PRKN: variants seen among roughly 807,000 people sequenced by gnomAD.
PRKN encodes parkin RBR E3 ubiquitin protein ligase, also known as E3 ubiquitin-protein ligase parkin.
A neutral mutation model predicts 59.5 loss-of-function variants in PRKN; 56 were observed. The observed-to-expected ratio is 0.94, with a 90% confidence interval of 0.76 to 1.18. PRKN has a LOEUF of 1.18. PRKN is among the 50% of genes most tolerant of loss of function. The probability of loss-of-function intolerance (pLI) is 0.00; values close to 1 mark genes in which losing one functional copy is unlikely to be tolerated. For missense variants in PRKN, 657 were observed against 596.4 expected (o/e 1.10, Z -1.06); for synonymous variants, 250 against 222.1 (o/e 1.13, Z -1.12).
rs142786879 is a variant in PRKN at position 161,391,816 on chromosome 6, C to T, written c.1084-4939G>A. Among the ~76,000 whole-genome samples the T allele has an allele frequency of 2.6e-5, 4 of 152,174 alleles. No homozygotes were observed. Among genetic ancestry groups the T allele is most frequent in the Non-Finnish European group, 4.4e-5 (3 of 68,026 alleles). ...AAGAGATTTCACCTGTGGACAGCAG[C>T]GTCAGGCTGTGCTCAAGAGTTCCAG... On this transcript the variant is annotated intron_variant, in intron 9 of 11. Transcript: ENST00000366898. The surrounding 1 kb of genome is among the most constrained non-coding windows in gnomAD (Gnocchi z 4.9).
At chr6:162,116,822 T>C (rs746214065) in intron 4 of PRKN, among the ~76,000 whole-genome samples, 5 of 152,188 alleles carry the variant, frequency 3.3e-5, no homozygotes, top group Non-Finnish European at 7.3e-5. Context: ...AGTTGACTGA[T>C]GGAGCTGAAA....
intron 9 of PRKN, among the ~76,000 whole-genome samples, chr6:161,478,108 G>A (rs918941274): frequency 6.6e-6 from 1 of 152,126 alleles, no homozygotes; most frequent in African/African-American, 2.4e-5. Flanking sequence ...TCAAGATTTG[G>A]GGCCTGGTTG....
intron 1 of PRKN, among the ~76,000 whole-genome samples, chr6:162,540,040 C>T (rs545958327): frequency 1.1e-4 from 16 of 152,056 alleles, no homozygotes; most frequent in East Asian, 5.8e-4. Flanking sequence ...CTCAACCTCC[C>T]GAGTAGCTGG....
intron 2 of PRKN, among the ~76,000 whole-genome samples, chr6:162,301,553 C>T (rs1180482278): frequency 6.6e-6 from 1 of 152,040 alleles, no homozygotes; most frequent in Non-Finnish European, 1.5e-5. Context: ...CTCCTGAGGC[C>T]TCCTGCGTTG....
chr6:161,353,742 C>A lies in PRKN; in HGVS notation c.1286-3531G>T, dbSNP rs527964226. Among the ~76,000 whole-genome samples, 15 of 152,298 alleles carry A rather than the reference C, an allele frequency of 9.8e-5. No homozygotes were observed. The South Asian group carries it at 2.9e-3, about 29-fold the overall frequency. On this transcript the variant is annotated intron_variant, in intron 11 of 11. Coordinates refer to ENST00000366898, the MANE Select transcript of PRKN (RefSeq NM_004562.3). This position sits in a 1 kb window ranked among gnomAD's most constrained non-coding sequence, Gnocchi z 4.8. ...ATGGGAATCTCAACTTGAAGCCAGT[C>A]GATCAGAACTTCCGGAAGCCCAGAC...
At chr6:162,143,318 A>T (rs1781868370) in intron 4 of PRKN, among the ~76,000 whole-genome samples, 1 of 152,202 alleles carries the variant, frequency 6.6e-6, no homozygotes, top group South Asian at 2.1e-4. Context: ...ACGAGTCTTT[A>T]TCAGCAATTC....
intron 1 of PRKN, among the ~76,000 whole-genome samples, chr6:162,607,915 C>T (rs755265278): frequency 2.9e-4 from 44 of 152,134 alleles, no homozygotes; most frequent in African/African-American, 1.0e-3. Context: ...AAAAGCTGAT[C>T]AGAGATGCCT....
chr6:162,154,314 AG>A, intron 4 of PRKN, among the ~76,000 whole-genome samples: 1 of 152,232 alleles, frequency 6.6e-6, no homozygotes, highest in Non-Finnish European at 1.5e-5. Flanking sequence ...AAAAACACTG[AG>A]AACATCTGGG....
At chr6:162,405,486 G>C (rs939626543) in intron 2 of PRKN, among the ~76,000 whole-genome samples, 3 of 152,134 alleles carry the variant, frequency 2.0e-5, no homozygotes, top group Non-Finnish European at 4.4e-5. Context: ...TCATCATCTA[G>C]TCCACGGTGT....
At position 161,488,142 on chromosome 6, in the gene PRKN, G is replaced by C. The variant is rs79913097; in HGVS notation, c.1083+60712C>G. On this transcript the variant is annotated intron_variant, in intron 9 of 11. Transcript: ENST00000366898. This position sits in a 1 kb window ranked among gnomAD's most constrained non-coding sequence, Gnocchi z 4.5. ...TCTAAGCAGGCCTCTCCTGGGAGGG[G>C]ACACCTGTTTAGAGGGCTAAATGAA... is the stretch of plus-strand genomic sequence containing the variant. Among the ~76,000 whole-genome samples, 1 of 152,302 alleles carries C rather than the reference G, an allele frequency of 6.6e-6. No individual in the cohort carries two copies. The highest frequency in any genetic ancestry group is 2.1e-4 in the South Asian group (1 of 4,828).
intron 11 of PRKN, among the ~76,000 whole-genome samples, chr6:161,358,347 C>T (rs1784842220): frequency 7.0e-6 from 1 of 142,872 alleles, no homozygotes; most frequent in Non-Finnish European, 1.5e-5. Flanking sequence ...CAGTGGCTCA[C>T]ACCCGTAATC....
chr6:162,106,397 T>TC (rs1780195009), intron 4 of PRKN, among the ~76,000 whole-genome samples: 1 of 95,592 alleles, frequency 1.0e-5, no homozygotes, highest in Non-Finnish European at 2.3e-5. Flanking sequence ...GAGAGTGAAT[T>TC]CCTTTTTTTT....
intron 2 of PRKN, among the ~76,000 whole-genome samples, chr6:162,365,021 T>C (rs1253196270): frequency 6.6e-6 from 1 of 151,456 alleles, no homozygotes; most frequent in African/African-American, 2.4e-5. Flanking sequence ...GGGATTTTCT[T>C]TGGCTAAAAA....
chr6:161,990,745 TG>T (rs1201885054), intron 5 of PRKN, among the ~76,000 whole-genome samples: 6 of 152,124 alleles, frequency 3.9e-5, no homozygotes, highest in Non-Finnish European at 7.4e-5. Flanking sequence ...AGTAAGCCTA[TG>T]GGATATATGG....
chr6:162,616,523 T>C (rs1782426466), intron 1 of PRKN, among the ~76,000 whole-genome samples: 1 of 152,152 alleles, frequency 6.6e-6, no homozygotes. Flanking sequence ...TGACACTCTA[T>C]ACAATGATAC....
intron 7 of PRKN, among the ~76,000 whole-genome samples, chr6:161,599,028 T>C (rs2128142911): frequency 6.6e-6 from 1 of 152,070 alleles, no homozygotes; most frequent in Admixed American, 6.5e-5. Flanking sequence ...AGATCAGCTG[T>C]CTGAGTGATG....
intron 1 of PRKN, among the ~76,000 whole-genome samples, chr6:162,538,632 A>C (rs116962890): frequency 1.1e-4 from 17 of 152,246 alleles, no homozygotes; most frequent in Non-Finnish European, 2.5e-4. Context: ...TCCAGACAGA[A>C]TCTCTGAGGC....
intron 1 of PRKN, among the ~76,000 whole-genome samples, chr6:162,591,774 G>A (rs1781316317): frequency 6.6e-6 from 1 of 151,816 alleles, no homozygotes; most frequent in African/African-American, 2.4e-5. Flanking sequence ...CAATTATACA[G>A]CAAGTGTGAA....
At chr6:162,092,504 C>T (rs1736157771) in intron 4 of PRKN, among the ~76,000 whole-genome samples, 1 of 152,098 alleles carries the variant, frequency 6.6e-6, no homozygotes, top group Non-Finnish European at 1.5e-5. Context: ...TATTGTAAGT[C>T]TACTGCTAAT....
Sources: gnomAD v4.1 joint callset for allele counts (sites outside exome capture counted in the v4.1 genomes callset) on GRCh38, gnomAD v4.1.1 for gene constraint, Gnocchi (gnomAD v3.1) non-coding constraint, MANE v1.5 for transcripts, NCBI Gene and HGNC (gene_info 2026-07-23, HGNC 2026-07-21) for gene names.